XKR4: variants seen among roughly 807,000 people sequenced by gnomAD.
The protein encoded by XKR4 is XK related 4.
XKR4 carries 12 observed loss-of-function variants against 53.9 expected under a neutral mutation model. The ratio of observed to expected loss-of-function variants is 0.22; its 90% CI spans 0.14 to 0.36. The LOEUF (loss-of-function observed/expected upper bound fraction) is 0.36. Among genes scored for constraint, XKR4 ranks in the 10% least tolerant of loss-of-function variants. The probability of loss-of-function intolerance (pLI) is 1.00; values close to 1 mark genes in which losing one functional copy is unlikely to be tolerated. For missense variants in XKR4, 799 were observed against 859.5 expected, an observed-to-expected ratio of 0.93 and a Z score of 0.88; for synonymous variants, 354 against 362.4, an observed-to-expected ratio of 0.98 and a Z score of 0.26.
At chr8:55,496,448 C>G (rs1806350407) in intron 2 of XKR4, among the ~76,000 whole-genome samples, 1 of 152,148 alleles carries the variant, frequency 6.6e-6, no homozygotes, top group African/African-American at 2.4e-5. Context: ...CTGTCCCTTA[C>G]AAAAGGAGAG....
At chr8:55,485,679 G>A (rs149823754) in intron 2 of XKR4, among the ~76,000 whole-genome samples, 4 of 152,070 alleles carry the variant, frequency 2.6e-5, no homozygotes, top group East Asian at 1.9e-4. Flanking sequence ...GATTACAGGC[G>A]TGAACCACCG....
rs576320166 is a variant in XKR4, at chr8:55,151,492, G to C, written c.806+48198G>C. On this transcript the variant is annotated intron_variant, in intron 1 of 2. Coordinates refer to ENST00000327381, the MANE Select transcript of XKR4 (RefSeq NM_052898.2). ...GAATAAGCTGCACATAGAAATTCAA[G>C]CATTATGCTGCATTCCCAGCACAAA... Among the ~76,000 whole-genome samples the C allele has an allele frequency of 6.6e-5, 10 of 152,248 alleles. No individual in the cohort carries two copies. In the South Asian group the frequency reaches 2.1e-3, roughly 32 times the overall value.
intron 2 of XKR4, among the ~76,000 whole-genome samples, chr8:55,479,072 T>C (rs1806055281): frequency 6.6e-6 from 1 of 152,012 alleles, no homozygotes; most frequent in South Asian, 2.1e-4. Flanking sequence ...TACAGAACTC[T>C]CCACCCCAAA....
intron 1 of XKR4, among the ~76,000 whole-genome samples, chr8:55,311,586 G>T (rs1325950717): frequency 6.6e-6 from 1 of 152,038 alleles, no homozygotes; most frequent in African/African-American, 2.4e-5. Context: ...AACACAGTTT[G>T]TTACAGACAA....
intron 1 of XKR4, among the ~76,000 whole-genome samples, chr8:55,333,632 G>C (rs950725519): frequency 1.3e-5 from 2 of 152,076 alleles, no homozygotes; most frequent in African/African-American, 2.4e-5. Context: ...ATTTTCTTGA[G>C]TTATAACAAT....
chr8:55,475,327 C>T (rs765615347), intron 2 of XKR4, among the ~76,000 whole-genome samples: 1 of 151,990 alleles, frequency 6.6e-6, no homozygotes, highest in Non-Finnish European at 1.5e-5. Flanking sequence ...GAATTCCATG[C>T]CTGAAAATGT....
rs573920118 is a variant in XKR4 at position 55,289,463 on chromosome 8, C to A, written c.807-68215C>A. Among the ~76,000 whole-genome samples, 125 of 145,544 alleles carry A rather than the reference C, an allele frequency of 8.6e-4. 1 individual carries two copies. Among genetic ancestry groups the A allele is most frequent in the Non-Finnish European group, 1.7e-3 (114 of 66,906 alleles). ...CCAGGAGGCAGAGGTTGCAGTGAGC[C>A]GAGATAGTGCCATTGCCTTCCAGCC... is the stretch of plus-strand genomic sequence containing the variant. On this transcript the variant is annotated intron_variant, in intron 1 of 2. Transcript: ENST00000327381.
chr8:55,131,688 T>C (rs1046819771), intron 1 of XKR4, among the ~76,000 whole-genome samples: 11 of 152,182 alleles, frequency 7.2e-5, no homozygotes, highest in African/African-American at 2.4e-4. Context: ...ATCTTCTTGA[T>C]ATTGAGTTCA....
chr8:55,190,840 TG>T (rs1239748359), intron 1 of XKR4, among the ~76,000 whole-genome samples: 2 of 152,122 alleles, frequency 1.3e-5, no homozygotes, highest in African/African-American at 4.8e-5. Flanking sequence ...AATCCGAAAA[TG>T]GTTATTTTTG....
At chr8:55,153,868 C>T (rs919812044) in intron 1 of XKR4, among the ~76,000 whole-genome samples, 1 of 152,154 alleles carries the variant, frequency 6.6e-6, no homozygotes, top group African/African-American at 2.4e-5. Flanking sequence ...CTTGTTAATG[C>T]AGGAAGATAT....
intron 2 of XKR4, among the ~76,000 whole-genome samples, chr8:55,485,345 C>T (rs1806176237): frequency 6.6e-6 from 1 of 152,074 alleles, no homozygotes; most frequent in Non-Finnish European, 1.5e-5. Context: ...GCATGCTTAT[C>T]TGAACAAAAA....
chr8:55,486,301 A>C (rs1806190098), intron 2 of XKR4, among the ~76,000 whole-genome samples: 1 of 152,246 alleles, frequency 6.6e-6, no homozygotes, highest in Non-Finnish European at 1.5e-5. Context: ...TCACCCCTGC[A>C]TATGCAGTCA....
At chr8:55,310,422 A>G (rs1159159181) in intron 1 of XKR4, among the ~76,000 whole-genome samples, 2 of 152,226 alleles carry the variant, frequency 1.3e-5, no homozygotes, top group Non-Finnish European at 2.9e-5. Flanking sequence ...GAAACAATGT[A>G]TATGTCATTT....
At chr8:55,265,742 G>A (rs116757841) in intron 1 of XKR4, among the ~76,000 whole-genome samples, 1,680 of 152,070 alleles carry the variant, frequency 0.011, 31 homozygotes, top group African/African-American at 0.038. Context: ...CATTTTGGGG[G>A]GGTCAAGGCG....
intron 1 of XKR4, among the ~76,000 whole-genome samples, chr8:55,285,777 A>G (rs942159848): frequency 7.9e-5 from 12 of 152,260 alleles, no homozygotes; most frequent in Admixed American, 7.8e-4. Context: ...CAGTCAGTCT[A>G]TAGCCAAGTT....
At chr8:55,141,645 T>TTCTCTCTCTC (rs138063196) in intron 1 of XKR4, among the ~76,000 whole-genome samples, 4,464 of 111,886 alleles carry the variant, frequency 0.04, 228 homozygotes, top group African/African-American at 0.11. Context: ...GTGCTTCTGC[T>TTCTCTCTCTC]TCTCTCTCTC....
intron 1 of XKR4, among the ~76,000 whole-genome samples, chr8:55,233,678 T>C (rs2129367228): frequency 6.6e-6 from 1 of 152,386 alleles, no homozygotes; most frequent in East Asian, 1.9e-4. Flanking sequence ...TGCAAATGCC[T>C]GAACTGTGAT....
chr8:55,440,722 A>G (rs1182836870), intron 2 of XKR4, among the ~76,000 whole-genome samples: 1 of 152,204 alleles, frequency 6.6e-6, no homozygotes, highest in Non-Finnish European at 1.5e-5. Context: ...ATAGATATAA[A>G]TATATTGAAA....
chr8:55,418,186 C>T (rs1479221648), intron 2 of XKR4, among the ~76,000 whole-genome samples: 3 of 152,106 alleles, frequency 2.0e-5, no homozygotes, highest in African/African-American at 7.2e-5. Flanking sequence ...CCTCGAGTGG[C>T]CATTGGATTA....
Sources: allele counts gnomAD v4.1 joint callset (sites outside exome capture counted in the v4.1 genomes callset), GRCh38; gene constraint gnomAD v4.1.1; transcripts MANE v1.5; gene names NCBI Gene and HGNC (gene_info 2026-07-23, HGNC 2026-07-21).